Variants in MRPS27 observed in about 807,000 individuals in gnomAD.
MRPS27 encodes mitochondrial ribosomal protein S27.
MRPS27 carries 43 observed loss-of-function variants against 48.9 expected under a neutral mutation model. The observed-to-expected ratio is 0.88, with a 90% CI of 0.69 to 1.13. The LOEUF (loss-of-function observed/expected upper bound fraction) is 1.13, where lower values mean the gene tolerates loss of function less well. Among genes scored for constraint, MRPS27 ranks in the 50% most tolerant of loss-of-function variants. The pLI is 0.00. For missense variants in MRPS27, 467 were observed against 476.3 expected (o/e 0.98, Z 0.18); for synonymous variants, 188 against 171.9 (o/e 1.09, Z -0.73).
rs537639606 is a variant in MRPS27, at chr5:72,232,997, C to T, written c.476-439G>A. ...AAGGCATAAAGGAGACACATATATTCTCAAGGTCACCCTGACAGGCAGAGC... is the reference window on the plus strand; with the variant it reads ...AAGGCATAAAGGAGACACATATATTTTCAAGGTCACCCTGACAGGCAGAGC... On this transcript the variant is annotated intron_variant, in intron 6 of 10. Transcript: ENST00000261413. 2.2e-4 allele frequency among the ~76,000 whole-genome samples: 34 copies of T among 152,282 alleles called. No homozygotes were observed. In the South Asian group the frequency reaches 5.2e-3, roughly 23 times the overall value.
In MRPS27 at chr5:72,263,604, T is replaced by C. The variant is rs76588879; in HGVS notation, c.282-25476A>G. ...ATAAATGGCAAAGTACTTTAAGAGATATTTCTCCAAAGAAGATAAACAACT... is the reference window on the plus strand; with the variant it reads ...ATAAATGGCAAAGTACTTTAAGAGACATTTCTCCAAAGAAGATAAACAACT... On this transcript the variant is annotated intron_variant, in intron 4 of 10. Coordinates refer to ENST00000261413, the MANE Select transcript of MRPS27 (RefSeq NM_015084.3). 3.7e-3 allele frequency among the ~76,000 whole-genome samples: 556 copies of C among 151,378 alleles called. 1 individual carries two copies. Among genetic ancestry groups the C allele is most frequent in the African/African-American group, 0.013 (540 of 41,188 alleles).
intron 4 of MRPS27, among the ~76,000 whole-genome samples, chr5:72,239,527 A>G (rs1748295726): frequency 6.6e-6 from 1 of 152,164 alleles, no homozygotes; most frequent in Non-Finnish European, 1.5e-5. Context: ...ATAGAGAAAT[A>G]TGTCAAATTA....
chr5:72,319,537 CTTTTTTTTTTT>C (rs35020848), intron 1 of MRPS27, among the ~76,000 whole-genome samples: 5 of 84,218 alleles, frequency 5.9e-5, no homozygotes, highest in East Asian at 3.3e-4. Flanking sequence ...TAGGTTTTTC[CTTTTTTTTTTT>C]TTTTTTTTTT....
chr5:72,263,318 A>C (rs1749031188), intron 4 of MRPS27, among the ~76,000 whole-genome samples: 1 of 152,124 alleles, frequency 6.6e-6, no homozygotes, highest in Non-Finnish European at 1.5e-5. Context: ...AAAGCCATAA[A>C]AGCCTCAGAA....
chr5:72,224,014 C>T (rs1747828161), intron 9 of MRPS27, among the ~76,000 whole-genome samples, 164 bp from the exon 10 acceptor site: 1 of 152,090 alleles, frequency 6.6e-6, no homozygotes, highest in African/African-American at 2.4e-5. Flanking sequence ...TATTTTTTCA[C>T]ATTATAAACA....
chr5:72,313,923 G>T (rs1409413166), intron 2 of MRPS27, among the ~76,000 whole-genome samples, 158 bp downstream of exon 2: 1 of 152,188 alleles, frequency 6.6e-6, no homozygotes, highest in East Asian at 1.9e-4. Context: ...AACTGATTTT[G>T]CCATGTATAA....
intron 4 of MRPS27, among the ~76,000 whole-genome samples, chr5:72,285,044 T>C (rs1749636356): frequency 1.3e-5 from 2 of 152,182 alleles, no homozygotes; most frequent in Admixed American, 1.3e-4. Flanking sequence ...CAAAGTTCTA[T>C]CTATACAAGT....
At chr5:72,266,374 C>T (rs1749107857) in intron 4 of MRPS27, among the ~76,000 whole-genome samples, 1 of 152,138 alleles carries the variant, frequency 6.6e-6, no homozygotes, top group Non-Finnish European at 1.5e-5. Context: ...TACATGACTG[C>T]CCCAACTCCT....
intron 4 of MRPS27, among the ~76,000 whole-genome samples, chr5:72,253,142 C>A (rs1383796812): frequency 3.3e-5 from 5 of 152,172 alleles, no homozygotes; most frequent in African/African-American, 1.2e-4. Context: ...TTCTGGACTA[C>A]CTCTCCTGCC....
In MRPS27 at chr5:72,241,499, T is replaced by G. The variant is rs937773578; in HGVS notation, c.282-3371A>C. On this transcript the variant is annotated intron_variant, in intron 4 of 10. Transcript: ENST00000261413. ...CTGGAATATAAACAAGTCAAAACAC[T>G]GGGCCAGCGGGGTTCAATTTTGGAT... The G allele has an allele frequency of 7.3e-6, 5 of 684,106 alleles. No homozygotes were observed. The African/African-American group carries it at 9.0e-5, about 12-fold the overall frequency. The allele number at this position is 684,106 out of a possible 1,614,324, so 42.4% of individuals were successfully genotyped here. A position where few individuals can be genotyped will look rare whatever the true frequency, so the allele number is the denominator to read the frequency against.
At chr5:72,315,376 G>T (rs1750538820) in intron 1 of MRPS27, among the ~76,000 whole-genome samples, 1 of 151,936 alleles carries the variant, frequency 6.6e-6, no homozygotes. Context: ...GGGAAACATG[G>T]TGAAACCCCG....
intron 4 of MRPS27, among the ~76,000 whole-genome samples, chr5:72,294,314 A>AAAC (rs752399604): frequency 3.3e-5 from 5 of 152,002 alleles, no homozygotes; most frequent in Admixed American, 6.5e-5. Context: ...AAACCCCCCA[A>AAAC]AACAACAACA....
At position 72,320,157 on chromosome 5, in the gene MRPS27, G is replaced by A. The variant is rs1353259478; in HGVS notation, c.65C>T (p.Ser22Phe). The change falls in exon 1 of 11, where the codon TCT becomes TTT. Residue 22 changes from serine (S) to phenylalanine (F), a missense_variant. By Grantham distance (155) the Ser-to-Phe change is radical. Transcript: ENST00000261413. ...GAAGCTGTCCGGCCAACCTGCAGGA[G>A]AGAGCTGAGGAAGAACCACTTGCCG... The part of the protein sequence containing the change: ...LARQVVLPQL[S>F]PAGKRYLLSS... The A allele has an allele frequency of 1.9e-6, 3 of 1,613,964 alleles. No individual in the cohort carries two copies. The highest frequency in any genetic ancestry group is 2.5e-6 in the Non-Finnish European group (3 of 1,179,850).
At chr5:72,295,726 A>AGAATGCTTAG in intron 3 of MRPS27, 137 bp from the exon 4 acceptor site, 1 of 658,712 alleles carries the variant, frequency 1.5e-6, no homozygotes. Context: ...TAGTGGAACA[A>AGAATGCTTAG]TGTTCACGTG....
chr5:72,290,175 T>C (rs1264289833), intron 4 of MRPS27, among the ~76,000 whole-genome samples: 1 of 152,196 alleles, frequency 6.6e-6, no homozygotes, highest in East Asian at 1.9e-4. Flanking sequence ...ATTTGGGCAG[T>C]ATACATTGGG....
At chr5:72,236,905 TTTTTC>T (rs1487850108) in intron 5 of MRPS27, among the ~76,000 whole-genome samples, 1 of 150,640 alleles carries the variant, frequency 6.6e-6, no homozygotes, top group African/African-American at 2.4e-5. Flanking sequence ...GTTTTTACTG[TTTTTC>T]TTTTCTTTTT....
At chr5:72,282,475 G>T (rs1339559337) in intron 4 of MRPS27, among the ~76,000 whole-genome samples, 2 of 151,692 alleles carry the variant, frequency 1.3e-5, no homozygotes, top group Non-Finnish European at 2.9e-5. Context: ...ATAATTCCTG[G>T]TACCTTAATT....
At chr5:72,225,067 G>T (rs953738931) in intron 9 of MRPS27, among the ~76,000 whole-genome samples, 1 of 152,226 alleles carries the variant, frequency 6.6e-6, no homozygotes, top group Non-Finnish European at 1.5e-5. Flanking sequence ...ATCTGGCTGA[G>T]ATTGGAAGGA....
chr5:72,237,569 G>GT (rs1332129107), intron 5 of MRPS27, among the ~76,000 whole-genome samples: 2 of 152,108 alleles, frequency 1.3e-5, no homozygotes, highest in Non-Finnish European at 2.9e-5. Context: ...TGGAATGTAA[G>GT]TAAGACTCAA....
Sources: gnomAD v4.1 joint callset for allele counts (sites outside exome capture counted in the v4.1 genomes callset) on GRCh38, gnomAD v4.1.1 for gene constraint, MANE v1.5 for transcripts, NCBI Gene and HGNC (gene_info 2026-07-23, HGNC 2026-07-21) for gene names.